NAV3: variants seen among roughly 807,000 people sequenced by gnomAD.
The protein encoded by NAV3 is pore membrane and/or filament interacting like protein 1.
A neutral mutation model predicts 244.7 loss-of-function variants in NAV3; 87 were observed. That is an observed-to-expected ratio of 0.36 (90% CI 0.30 to 0.42). The LOEUF (loss-of-function observed/expected upper bound fraction) is 0.42, where lower values mean the gene tolerates loss of function less well. Among genes scored for constraint, NAV3 ranks in the 20% least tolerant of loss-of-function variants. The pLI, the probability that NAV3 is intolerant of heterozygous loss-of-function variation, is 1.00. For synonymous variants in NAV3, 1,126 were observed against 1,042.2 expected (o/e 1.08, Z -1.55); for missense variants, 2,663 against 2,893.3 (o/e 0.92, Z 1.83).
chr12:77,911,075 T>C lies in NAV3; in HGVS notation c.244-29244T>C, dbSNP rs2219808. 7.3e-3 allele frequency among the ~76,000 whole-genome samples: 1,115 copies of C among 152,194 alleles called. 10 individuals are homozygous for C. The highest frequency in any genetic ancestry group is 0.044 in the South Asian group (210 of 4,822). ...TACCTGGGAAGTACTGTGTTTACTA[T>C]AGAGATCGTGTATGAATGGAAGAAT... is the stretch of plus-strand genomic sequence containing the variant. On this transcript the variant is annotated intron_variant, in intron 1 of 39. Coordinates refer to ENST00000397909, the MANE Select transcript of NAV3 (RefSeq NM_001024383.2).
At chr12:78,180,430 A>G (rs1958451069) in intron 29 of NAV3, among the ~76,000 whole-genome samples, 1 of 152,124 alleles carries the variant, frequency 6.6e-6, no homozygotes. Context: ...GAGTAATTTT[A>G]AATCACCTTA....
chr12:77,598,897 A>C (rs991594906), intron 2 of NAV3, among the ~76,000 whole-genome samples: 11 of 152,016 alleles, frequency 7.2e-5, no homozygotes, highest in Non-Finnish European at 1.5e-4. Flanking sequence ...AAAATTGCAC[A>C]ATATGGTATT....
intron 22 of NAV3, among the ~76,000 whole-genome samples, chr12:78,157,682 A>G (rs1261846625): frequency 6.6e-6 from 1 of 152,090 alleles, no homozygotes; most frequent in Non-Finnish European, 1.5e-5. Context: ...AATTTTTTAA[A>G]CTATGATACT....
intron 2 of NAV3, among the ~76,000 whole-genome samples, chr12:77,801,615 A>G (rs1336215079): frequency 4.6e-5 from 7 of 152,182 alleles, no homozygotes; most frequent in African/African-American, 1.7e-4. Flanking sequence ...TTATTACACT[A>G]TGACCCTAAG....
intron 1 of NAV3, among the ~76,000 whole-genome samples, chr12:77,894,889 TA>T (rs1265619184): frequency 1.3e-5 from 2 of 152,206 alleles, no homozygotes; most frequent in Non-Finnish European, 2.9e-5. Flanking sequence ...AAAAACTGGC[TA>T]AAATCTTTTT....
chr12:78,094,618 C>T (rs570920486), intron 12 of NAV3, among the ~76,000 whole-genome samples: 139 of 152,274 alleles, frequency 9.1e-4, no homozygotes, highest in Non-Finnish European at 1.7e-3. Flanking sequence ...ATTTTATTTA[C>T]TTCAGTTATT....
intron 8 of NAV3, among the ~76,000 whole-genome samples, chr12:78,019,550 T>G (rs948787165): frequency 6.6e-6 from 1 of 152,148 alleles, no homozygotes; most frequent in Non-Finnish European, 1.5e-5. Flanking sequence ...TTGGAGACTT[T>G]GCCTGATGAG....
intron 1 of NAV3, among the ~76,000 whole-genome samples, chr12:77,933,021 A>G (rs1407941711): frequency 6.6e-6 from 1 of 152,098 alleles, no homozygotes; most frequent in African/African-American, 2.4e-5. Context: ...CTCAATCATC[A>G]TTCTTCTGTA....
intron 1 of NAV3, among the ~76,000 whole-genome samples, chr12:77,872,120 C>T (rs936613568): frequency 2.0e-5 from 3 of 152,078 alleles, no homozygotes. Flanking sequence ...ACTTCACCCA[C>T]TTTTTGATGG....
chr12:78,030,423 G>A (rs1303001866), intron 9 of NAV3, among the ~76,000 whole-genome samples: 2 of 152,126 alleles, frequency 1.3e-5, no homozygotes, highest in Non-Finnish European at 2.9e-5. Context: ...TTGAAATGTG[G>A]AAAGAGAAAT....
chr12:77,969,623 T>C (rs955237179), intron 5 of NAV3, among the ~76,000 whole-genome samples: 2 of 152,092 alleles, frequency 1.3e-5, no homozygotes, highest in African/African-American at 2.4e-5. Context: ...GAGGTGGATG[T>C]ATCACAAGGT....
intron 1 of NAV3, among the ~76,000 whole-genome samples, chr12:77,840,021 C>T (rs1347208425): frequency 6.6e-6 from 1 of 151,880 alleles, no homozygotes; most frequent in Non-Finnish European, 1.5e-5. Flanking sequence ...TGTAGTGAGC[C>T]GAGATCGCGC....
intron 9 of NAV3, among the ~76,000 whole-genome samples, chr12:78,044,659 T>G (rs141708936): frequency 3.1e-3 from 470 of 152,328 alleles, no homozygotes; most frequent in African/African-American, 0.011. Flanking sequence ...ACCTTTAAGT[T>G]GTATTCCTAA....
intron 2 of NAV3, among the ~76,000 whole-genome samples, chr12:77,794,277 C>T (rs1871310779): frequency 6.6e-6 from 1 of 152,150 alleles, no homozygotes; most frequent in Non-Finnish European, 1.5e-5. Flanking sequence ...GGAAGAAAAG[C>T]ACTGAATTTG....
intron 1 of NAV3, among the ~76,000 whole-genome samples, chr12:77,865,525 C>G (rs1879870722): frequency 6.6e-6 from 1 of 151,894 alleles, no homozygotes; most frequent in Non-Finnish European, 1.5e-5. Flanking sequence ...TGTTTAACCC[C>G]TTTGAAATCT....
chr12:77,589,977 A>G (rs1473410249), intron 2 of NAV3, among the ~76,000 whole-genome samples: 1 of 152,238 alleles, frequency 6.6e-6, no homozygotes, highest in Admixed American at 6.5e-5. Context: ...TTTTGAGAAC[A>G]TTAAGAGAGA....
chr12:77,845,157 A>G (rs1393229246), intron 1 of NAV3, among the ~76,000 whole-genome samples: 1 of 152,184 alleles, frequency 6.6e-6, no homozygotes, highest in Non-Finnish European at 1.5e-5. Flanking sequence ...GATATTCAAT[A>G]GCTCCTGGAT....
intron 1 of NAV3, among the ~76,000 whole-genome samples, chr12:77,845,530 AT>A: frequency 6.6e-6 from 1 of 152,324 alleles, no homozygotes; most frequent in East Asian, 1.9e-4. Context: ...GTTTAAGTCA[AT>A]TAAAAAACCA....
At chr12:77,604,003 T>C (rs1870559377) in intron 2 of NAV3, among the ~76,000 whole-genome samples, 1 of 152,140 alleles carries the variant, frequency 6.6e-6, no homozygotes, top group African/African-American at 2.4e-5. Context: ...GAGTTCTTGG[T>C]TGATATTCTA....
Sources: gnomAD v4.1 joint callset for allele counts (sites outside exome capture counted in the v4.1 genomes callset) on GRCh38, gnomAD v4.1.1 for gene constraint, MANE v1.5 for transcripts, NCBI Gene and HGNC (gene_info 2026-07-23, HGNC 2026-07-21) for gene names.